Variants in NAGPA observed in about 807,000 individuals in gnomAD.
The protein encoded by NAGPA is N-acetylglucosamine-1-phosphodiester alpha-N-acetylglucosaminidase.
NAGPA carries 56 observed loss-of-function variants against 48.5 expected under a neutral mutation model. The ratio of observed to expected loss-of-function variants is 1.15; its 90% CI spans 0.93 to 1.44. The LOEUF (loss-of-function observed/expected upper bound fraction) is 1.44. NAGPA is among the 40% of genes most tolerant of loss of function. The pLI is 0.00. For missense variants in NAGPA, 888 were observed against 735.0 expected (o/e 1.21, Z -2.41); for synonymous variants, 399 against 315.5 (o/e 1.26, Z -2.81).
At position 5,033,247 on chromosome 16, in the gene NAGPA, C is replaced by G; in HGVS notation, c.542+26G>C. The G allele has an allele frequency of 6.4e-7, 1 of 1,572,512 alleles. No individual in the cohort carries two copies. On this transcript the variant is annotated intron_variant, in intron 2 of 9. Coordinates refer to ENST00000312251, the MANE Select transcript of NAGPA (RefSeq NM_016256.4). The surrounding 1 kb of genome is among the most constrained non-coding windows in gnomAD (Gnocchi z 4.2). ...CAAATCTCAGGCCCTCTGCCCTCGA[C>G]AGCACGGGGCTCCCTGCCTCCTCAC...
intron 9 of NAGPA, among the ~76,000 whole-genome samples, 156 bp downstream of exon 9, chr16:5,026,979 G>C (rs1470351527): frequency 6.6e-6 from 1 of 152,172 alleles, no homozygotes; most frequent in Non-Finnish European, 1.5e-5. Flanking sequence ...TCTGCTCCAG[G>C]GTCCCCAAAG....
At position 5,027,218 on chromosome 16, in the gene NAGPA, G is replaced by A. The variant is rs766362554; in HGVS notation, c.1277-20C>T. On this transcript the variant is annotated intron_variant, in intron 8 of 9. Transcript: ENST00000312251. ...GCTTTACTGTAACATACCAGAGACA[G>A]GCTGAAGGGGCCGGAGCAGGAGCGT... 6.2e-6 allele frequency: 10 copies of A among 1,614,244 alleles called. No individual in the cohort carries two copies. Among genetic ancestry groups the A allele is most frequent in the Non-Finnish European group, 8.5e-6 (10 of 1,180,034 alleles).
At chr16:5,028,249 C>T (rs1294437874) in intron 5 of NAGPA, 64 bp from the exon 6 acceptor site, 1 of 1,547,200 alleles carries the variant, frequency 6.5e-7, no homozygotes, top group East Asian at 2.5e-5. Context: ...TCCCTCCAGG[C>T]TGCCCCCAAC....
Position 5,030,628 on chromosome 16 carries a change from C to A in NAGPA, c.683-135G>T, listed in dbSNP as rs906307637. 7 of 762,202 alleles carry A rather than the reference C, an allele frequency of 9.2e-6. No homozygotes were observed. The East Asian group carries it at 1.3e-4, about 15-fold the overall frequency. 47.2% of individuals were successfully genotyped at this position (762,202 alleles called of 1,614,324 possible). ...AGCAGCCTCCTTGCTCGTCTCCCTG[C>A]CTCCCCTCTGCACATCCCAGTCTCC... On this transcript the variant is annotated intron_variant, in intron 3 of 9. Coordinates refer to ENST00000312251, the MANE Select transcript of NAGPA (RefSeq NM_016256.4).
chr16:5,027,202 TA>T lies in NAGPA; in HGVS notation c.1277-5del. ...GGTGGCTGGAGACACTGCTTTACTG[TA>T]ACATACCAGAGACAGGCTGAAGGGG... On this transcript the variant is annotated splice_region_variant and splice_polypyrimidine_tract_variant and intron_variant, in intron 8 of 9. Coordinates refer to ENST00000312251, the MANE Select transcript of NAGPA (RefSeq NM_016256.4). The T allele has an allele frequency of 6.2e-7, 1 of 1,614,118 alleles. No individual in the cohort carries two copies. Among genetic ancestry groups the T allele is most frequent in the Non-Finnish European group, 8.5e-7 (1 of 1,179,948 alleles).
chr16:5,033,482 T>C lies in NAGPA; in HGVS notation c.333A>G (p.Gly111=), dbSNP rs2972272. 0.68 allele frequency: 1,066,500 copies of C among 1,569,762 alleles called. 365,006 individuals are homozygous for C. Among genetic ancestry groups the C allele is most frequent in the South Asian group, 0.83 (72,701 of 88,088 alleles). ...GTCGTCTCGCCGCGCAGCCGCCGGG[T>C]CCACCGGGCTCCAGCACCGAGAAGG... ...LRTFSVLEPG[G]PGGCAARRRA... is the part of the protein sequence containing the mutation. Residue 111 remains glycine (G), a synonymous_variant, in exon 2 of 10, where the codon GGA becomes GGG. Coordinates refer to ENST00000312251, the MANE Select transcript of NAGPA (RefSeq NM_016256.4). This position sits in a 1 kb window ranked among gnomAD's most constrained non-coding sequence, Gnocchi z 4.2.
intron 5 of NAGPA, chr16:5,028,653 CAG>C (rs1480811962): frequency 3.1e-6 from 2 of 646,578 alleles, no homozygotes; most frequent in African/African-American, 3.6e-5. Flanking sequence ...CCACCTCCTT[CAG>C]ATCTCAGTTC....
intron 2 of NAGPA, 102 bp from the exon 3 acceptor site, chr16:5,031,986 C>A: frequency 1.3e-6 from 2 of 1,535,506 alleles, no homozygotes; most frequent in South Asian, 1.1e-5. Context: ...TAGATTCCCC[C>A]TCATGCCCCA....
Position 5,026,771 on chromosome 16 carries a change from C to A in NAGPA, c.1340+364G>T, listed in dbSNP as rs117944631. Among the ~76,000 whole-genome samples the A allele has an allele frequency of 2.6e-5, 4 of 152,250 alleles. No individual in the cohort carries two copies. In the East Asian group the frequency reaches 7.7e-4, roughly 29 times the overall value. On this transcript the variant is annotated intron_variant, in intron 9 of 9. Transcript: ENST00000312251. ...ATAAAATTAGCCGGGCATGGGGGCA[C>A]GTGCCTGTCGTCCTAGCTACTTGGG...
Position 5,028,942 on chromosome 16 carries a change from A to G in NAGPA, c.858T>C (p.Asp286=). Residue 286 remains aspartate (D), a synonymous_variant, in exon 5 of 10, where the codon GAT becomes GAC. Transcript: ENST00000312251. ...KQDVVNAINL[D]GGGSATFVLN... is the part of the protein sequence containing the mutation. Reference sequence around the variant, plus strand: ...GCACAAAGGTGGCAGAGCCACCCCCATCCAGGTTGATGGCGTTGACCACGT... The same window carrying G: ...GCACAAAGGTGGCAGAGCCACCCCCGTCCAGGTTGATGGCGTTGACCACGT... The G allele has an allele frequency of 6.2e-7, 1 of 1,614,048 alleles. No individual in the cohort carries two copies.
chr16:5,030,184 G>T (rs888800860), intron 4 of NAGPA: 2 of 622,640 alleles, frequency 3.2e-6, no homozygotes, highest in Admixed American at 5.2e-5. Context: ...GAGGCCTAAA[G>T]CTGAAGATGA....
In NAGPA at chr16:5,025,336, A is replaced by G. The variant is rs1436093069; in HGVS notation, c.*142T>C. The G allele has an allele frequency of 2.4e-5, 23 of 969,884 alleles. No homozygotes were observed. Among genetic ancestry groups the G allele is most frequent in the Non-Finnish European group, 3.3e-5 (21 of 641,466 alleles). The allele number at this position is 969,884 out of a possible 1,614,324, so 60.1% of individuals were successfully genotyped here. A position where few individuals can be genotyped will look rare whatever the true frequency, so the allele number is the denominator to read the frequency against. ...TGGCCAGGTGAGGGGCTGAGGCACA[A>G]GTGCTATCAGGAACTTGGCTGCCCC... On this transcript the variant is annotated 3_prime_UTR_variant, in exon 10 of 10. Coordinates refer to ENST00000312251, the MANE Select transcript of NAGPA (RefSeq NM_016256.4).
intron 2 of NAGPA, among the ~76,000 whole-genome samples, chr16:5,032,502 CATCCCGTCTCTACTAAAAATA>C (rs1956119380): frequency 6.6e-6 from 1 of 150,946 alleles, no homozygotes; most frequent in Non-Finnish European, 1.5e-5. Context: ...TTCCCCACCC[CATCCCGTCTCTACTAAAAATA>C]CAAAAATCAG....
At chr16:5,030,532 G>A in intron 3 of NAGPA, 39 bp from the exon 4 acceptor site, 3 of 1,496,588 alleles carry the variant, frequency 2.0e-6, no homozygotes, top group Non-Finnish European at 1.8e-6. Context: ...CGCCCCTTGG[G>A]AGGCCTCCTG....
Position 5,028,040 on chromosome 16 carries a change from C to A in NAGPA, c.1066G>T (p.Gly356Cys), listed in dbSNP as rs150254440. 3.7e-6 allele frequency: 6 copies of A among 1,613,726 alleles called. No individual in the cohort carries two copies. The highest frequency in any genetic ancestry group is 1.3e-5 in the African/African-American group (1 of 74,878). Residue 356 changes from glycine (G) to cysteine (C), a missense_variant, in exon 6 of 10, where the codon GGC becomes TGC. Physicochemically the swap from Gly to Cys is radical, Grantham distance 159. Transcript: ENST00000312251. The stretch of plus-strand genomic sequence containing the variant: ...GGGCCACAGTCCAGCTCATCACAGC[C>A]GGGACCCCGCCAGAAGTGCCCGGTG... ...QCTGHFWRGPGCDELDCGPSN... is the reference protein window; with the variant it reads ...QCTGHFWRGPCCDELDCGPSN...
chr16:5,029,027 C>G lies in NAGPA; in HGVS notation c.792-19G>C. The G allele has an allele frequency of 1.2e-6, 2 of 1,611,826 alleles. No individual in the cohort carries two copies. The highest frequency in any genetic ancestry group is 1.7e-6 in the Non-Finnish European group (2 of 1,180,008). ...GTTGATGCTGCGGCACAAAGCGGCG[C>G]TGCTCAGGCTCAGCGCCCACCATCA... On this transcript the variant is annotated intron_variant, in intron 4 of 9. Transcript: ENST00000312251.
chr16:5,033,417 C>A lies in NAGPA; in HGVS notation c.398G>T (p.Arg133Leu). ...GAAGAAGCCGCCGTTCTGGGCGACACGGCAGTCGGCCGCCCGCGCCGTCTC... is the reference window on the plus strand; with the variant it reads ...GAAGAAGCCGCCGTTCTGGGCGACAAGGCAGTCGGCCGCCCGCGCCGTCTC... ...VEETARAADC[R>L]VAQNGGFFRM... The change falls in exon 2 of 10, where the codon CGT becomes CTT. Residue 133 changes from arginine to leucine, a missense_variant. Physicochemically the swap from Arg to Leu is moderately radical, Grantham distance 102. Transcript: ENST00000312251. This position sits in a 1 kb window ranked among gnomAD's most constrained non-coding sequence, Gnocchi z 4.2. 1 of 1,595,854 alleles carries A rather than the reference C, an allele frequency of 6.3e-7. No individual in the cohort carries two copies. Among genetic ancestry groups the A allele is most frequent in the Admixed American group, 1.7e-5 (1 of 59,872 alleles).
rs1306077980 is a variant in NAGPA at position 5,033,093 on chromosome 16, G to C, written c.542+180C>G. ...GGGCGCGGCACATTGCCTGATACAA[G>C]CAAGTGCTCAATGATACTGGATGAT... On this transcript the variant is annotated intron_variant, in intron 2 of 9. Coordinates refer to ENST00000312251, the MANE Select transcript of NAGPA (RefSeq NM_016256.4). The surrounding 1 kb of genome is among the most constrained non-coding windows in gnomAD (Gnocchi z 4.2). 1.2e-5 allele frequency: 9 copies of C among 744,594 alleles called. No homozygotes were observed. The East Asian group carries it at 1.4e-4, about 11-fold the overall frequency. 46.1% of individuals were successfully genotyped at this position (744,594 alleles called of 1,614,324 possible).
At position 5,025,663 on chromosome 16, in the gene NAGPA, G is replaced by A. The variant is rs1280751284; in HGVS notation, c.1363C>T (p.Leu455=). 1 of 1,612,348 alleles carries A rather than the reference G, an allele frequency of 6.2e-7. No homozygotes were observed. The highest frequency in any genetic ancestry group is 1.7e-5 in the Admixed American group (1 of 59,658). Residue 455 remains leucine (L), a synonymous_variant, in exon 10 of 10, where the codon CTG becomes TTG. Coordinates refer to ENST00000312251, the MANE Select transcript of NAGPA (RefSeq NM_016256.4). The part of the protein sequence containing the change: ...FTRTAWLALT[L]ALAFLLLIST... ...ATCAGCAGGAGGAAGGCCAGCGCCA[G>A]GGTGAGGGCTAGCCAGGCGGTCCTG...
Sources: gnomAD v4.1 joint callset for allele counts (sites outside exome capture counted in the v4.1 genomes callset) on GRCh38, gnomAD v4.1.1 for gene constraint, Gnocchi (gnomAD v3.1) non-coding constraint, MANE v1.5 for transcripts, NCBI Gene and HGNC (gene_info 2026-07-23, HGNC 2026-07-21) for gene names.